CNTNAP5: variants seen among roughly 807,000 people sequenced by gnomAD.
The protein encoded by CNTNAP5 is contactin-associated protein-like 5.
Under a neutral mutation model 150.2 loss-of-function variants are expected in CNTNAP5, and 72 were observed. The observed-to-expected ratio is 0.48, with a 90% CI of 0.40 to 0.58. The LOEUF (loss-of-function observed/expected upper bound fraction) is 0.58. Ranked by LOEUF, CNTNAP5 falls within the 20% of genes least tolerant of loss-of-function variation. The pLI is 0.00. For synonymous variants in CNTNAP5, 672 were observed against 619.8 expected (o/e 1.08, Z -1.25); for missense variants, 1,636 against 1,626.2 (o/e 1.01, Z -0.10).
chr2:124,536,704 G>A (rs1318325110), intron 10 of CNTNAP5, among the ~76,000 whole-genome samples: 1 of 152,116 alleles, frequency 6.6e-6, no homozygotes, highest in Non-Finnish European at 1.5e-5. Context: ...GCCAGAGCGG[G>A]CCAGGGAGGG....
intron 1 of CNTNAP5, among the ~76,000 whole-genome samples, chr2:124,112,355 A>C (rs1288647792): frequency 6.6e-6 from 1 of 152,136 alleles, no homozygotes; most frequent in African/African-American, 2.4e-5. Context: ...GATTGGAAGC[A>C]TCATATTTTC....
At chr2:124,609,601 G>T (rs970892013) in intron 11 of CNTNAP5, among the ~76,000 whole-genome samples, 200 bp from the exon 12 acceptor site, 5 of 151,954 alleles carry the variant, frequency 3.3e-5, no homozygotes, top group Non-Finnish European at 7.4e-5. Context: ...GAGAGAGAGA[G>T]AGATGAATGG....
chr2:124,207,648 A>G (rs372905521), intron 1 of CNTNAP5, among the ~76,000 whole-genome samples: 3 of 152,180 alleles, frequency 2.0e-5, no homozygotes, highest in East Asian at 1.9e-4. Context: ...CAGCAATGAA[A>G]CGAAATTTTC....
chr2:124,195,018 A>G (rs1028180740), intron 1 of CNTNAP5, among the ~76,000 whole-genome samples: 5 of 150,990 alleles, frequency 3.3e-5, no homozygotes, highest in Middle Eastern at 3.4e-3. Flanking sequence ...AACTGGCCAA[A>G]TAGATCACAA....
chr2:124,468,129 T>C (rs1164961299), intron 6 of CNTNAP5, among the ~76,000 whole-genome samples: 2 of 152,124 alleles, frequency 1.3e-5, no homozygotes, highest in East Asian at 3.9e-4. Context: ...CCTGCCTTAG[T>C]GTACTAACCA....
Position 124,302,611 on chromosome 2 carries a change from C to T in CNTNAP5, c.381+60218C>T, listed in dbSNP as rs1688593082. On this transcript the variant is annotated intron_variant, in intron 3 of 23. Coordinates refer to ENST00000682447, the MANE Select transcript of CNTNAP5 (RefSeq NM_001367498.1). ...ACTCCGCAAAATAGCAGCATTGATC[C>T]CTTCATGAGGGCACAGCCCTTGATG... is the stretch of plus-strand genomic sequence containing the variant. Among the ~76,000 whole-genome samples, 4 of 152,182 alleles carry T rather than the reference C, an allele frequency of 2.6e-5. 1 individual carries two copies. Among genetic ancestry groups the T allele is most frequent in the Admixed American group, 2.6e-4 (4 of 15,278 alleles).
At chr2:124,234,870 C>A (rs904079242) in intron 2 of CNTNAP5, among the ~76,000 whole-genome samples, 32 of 152,288 alleles carry the variant, frequency 2.1e-4, no homozygotes, top group African/African-American at 7.5e-4. Context: ...TAGACACTGA[C>A]AGACACACCA....
intron 13 of CNTNAP5, among the ~76,000 whole-genome samples, chr2:124,732,611 T>A (rs931184534): frequency 2.0e-5 from 3 of 152,154 alleles, no homozygotes; most frequent in Non-Finnish European, 1.5e-5. Context: ...TCCAGAATTG[T>A]AAGACATCAA....
intron 11 of CNTNAP5, 132 bp from the exon 12 acceptor site, chr2:124,609,669 G>C: frequency 1.1e-6 from 1 of 943,892 alleles, no homozygotes; most frequent in Non-Finnish European, 1.5e-6. Context: ...TTAAGGCTTG[G>C]GGAAAAAGTC....
intron 1 of CNTNAP5, among the ~76,000 whole-genome samples, chr2:124,035,006 C>A (rs1158104833): frequency 4.9e-4 from 36 of 73,446 alleles, no homozygotes; most frequent in African/African-American, 1.4e-3. Context: ...CCCCTCCCCT[C>A]CCCTCCCCTC....
At chr2:124,082,954 C>T (rs1307457999) in intron 1 of CNTNAP5, among the ~76,000 whole-genome samples, 1 of 152,118 alleles carries the variant, frequency 6.6e-6, no homozygotes, top group Non-Finnish European at 1.5e-5. Flanking sequence ...GGTGAAATTT[C>T]TCTTTATGTC....
intron 14 of CNTNAP5, 129 bp downstream of exon 14, chr2:124,747,514 G>A: frequency 1.9e-6 from 2 of 1,030,462 alleles, no homozygotes; most frequent in Non-Finnish European, 1.4e-6. Context: ...GGTGACTTTT[G>A]TTTTTTAACC....
At chr2:124,383,135 C>T (rs962438073) in intron 3 of CNTNAP5, among the ~76,000 whole-genome samples, 4 of 152,150 alleles carry the variant, frequency 2.6e-5, no homozygotes, top group African/African-American at 4.8e-5. Context: ...TACATTTCCA[C>T]ATCACCTTTC....
At chr2:124,545,257 C>CCCAAAA (rs1312204249) in intron 10 of CNTNAP5, among the ~76,000 whole-genome samples, 1 of 152,022 alleles carries the variant, frequency 6.6e-6, no homozygotes, top group African/African-American at 2.4e-5. Flanking sequence ...TGACAGAACT[C>CCCAAAA]CCAAAACCAC....
intron 7 of CNTNAP5, among the ~76,000 whole-genome samples, chr2:124,482,542 G>A (rs186416554): frequency 3.3e-4 from 50 of 152,214 alleles, no homozygotes; most frequent in African/African-American, 8.4e-4. Context: ...GGGCAGATCC[G>A]TGAACAGCAC....
intron 1 of CNTNAP5, among the ~76,000 whole-genome samples, chr2:124,121,009 A>G (rs1683547241): frequency 1.3e-5 from 2 of 152,052 alleles, no homozygotes. Flanking sequence ...GTGCCATAAT[A>G]ACTGTTCATC....
At chr2:124,124,789 C>G (rs1683647075) in intron 1 of CNTNAP5, among the ~76,000 whole-genome samples, 1 of 152,150 alleles carries the variant, frequency 6.6e-6, no homozygotes, top group Non-Finnish European at 1.5e-5. Context: ...ATTTTCAACC[C>G]AGAATTTCAT....
chr2:124,314,882 G>A (rs1360676835), intron 3 of CNTNAP5, among the ~76,000 whole-genome samples: 1 of 151,812 alleles, frequency 6.6e-6, no homozygotes, highest in African/African-American at 2.4e-5. Flanking sequence ...CTTAGTGTCG[G>A]TTGCAATTTT....
At chr2:124,763,916 A>T (rs1190267382) in intron 15 of CNTNAP5, 61 bp from the exon 16 acceptor site, 84 of 1,595,806 alleles carry the variant, frequency 5.3e-5, no homozygotes, top group Non-Finnish European at 7.0e-5. Flanking sequence ...CCACATGTCC[A>T]GTGCTTTCCC....
Sources: allele counts gnomAD v4.1 joint callset (sites outside exome capture counted in the v4.1 genomes callset), GRCh38; gene constraint gnomAD v4.1.1; transcripts MANE v1.5; gene names NCBI Gene and HGNC (gene_info 2026-07-23, HGNC 2026-07-21).